The following MAP3K13 variants were observed in gnomAD, a reference collection of about 807,000 sequenced individuals.
MAP3K13 encodes the protein mitogen-activated protein kinase kinase kinase 13.
MAP3K13 carries 52 observed loss-of-function variants against 104.0 expected under a neutral mutation model. The observed-to-expected ratio is 0.50, with a 90% CI of 0.40 to 0.63. MAP3K13 has a LOEUF of 0.63. MAP3K13 is among the 20% of genes least tolerant of loss of function. MAP3K13 has a pLI of 0.00. For missense variants in MAP3K13, 914 were observed against 1,218.5 expected (o/e 0.75, Z 3.72); for synonymous variants, 394 against 442.2 (o/e 0.89, Z 1.37).
chr3:185,327,279 T>C (rs1001545952), intron 2 of MAP3K13, among the ~76,000 whole-genome samples: 1 of 152,224 alleles, frequency 6.6e-6, no homozygotes, highest in South Asian at 2.1e-4. Context: ...CAAGGATTCA[T>C]GTGACTAGGT....
Position 185,346,802 on chromosome 3 carries a change from C to A in MAP3K13, c.-86+61159C>A, listed in dbSNP as rs745648673. On this transcript the variant is annotated intron_variant, in intron 2 of 14. Coordinates refer to the MAP3K13 transcript ENST00000424227. ...GTATAAGAGTATCTATTTTGCCTTA[C>A]CCTTTCCAAAGGGTGCAAGATTTTT... Among the ~76,000 whole-genome samples the A allele has an allele frequency of 6.6e-5, 10 of 152,064 alleles. 1 individual carries two copies. In the South Asian group the frequency reaches 1.9e-3, roughly 28 times the overall value.
chr3:185,422,593 G>A (rs1171441602), intron 1 of MAP3K13, among the ~76,000 whole-genome samples: 4 of 152,130 alleles, frequency 2.6e-5, no homozygotes, highest in Non-Finnish European at 5.9e-5. Context: ...TATGTATTGG[G>A]CAGAAGTTCG....
intron 1 of MAP3K13, among the ~76,000 whole-genome samples, chr3:185,421,976 G>T (rs556447002): frequency 6.6e-6 from 1 of 152,086 alleles, no homozygotes; most frequent in Non-Finnish European, 1.5e-5. Context: ...GTTGGGACCC[G>T]TTGGACTAGA....
chr3:185,367,408 A>C (rs1478115733), intron 1 of MAP3K13, among the ~76,000 whole-genome samples: 1 of 152,202 alleles, frequency 6.6e-6, no homozygotes, highest in Non-Finnish European at 1.5e-5. Context: ...TTTCAGAATC[A>C]GGAAAGAAAA....
At chr3:185,475,375 C>T (rs1718061322) in intron 11 of MAP3K13, among the ~76,000 whole-genome samples, 1 of 152,172 alleles carries the variant, frequency 6.6e-6, no homozygotes, top group African/African-American at 2.4e-5. Context: ...TTCATCTCAT[C>T]ATCATTGTTC....
At chr3:185,307,364 C>T in intron 2 of MAP3K13, among the ~76,000 whole-genome samples, 1 of 148,882 alleles carries the variant, frequency 6.7e-6, no homozygotes, top group East Asian at 2.0e-4. Context: ...CTTAGGCATT[C>T]TTCACTTTTC....
intron 2 of MAP3K13, among the ~76,000 whole-genome samples, chr3:185,288,528 GTGTGTT>G (rs1483539798): frequency 6.7e-6 from 1 of 149,472 alleles, no homozygotes; most frequent in African/African-American, 2.5e-5. Flanking sequence ...ATATGTGTGT[GTGTGTT>G]TGTGTGTATA....
chr3:185,454,702 T>TGAGATATTTATATG, intron 7 of MAP3K13, among the ~76,000 whole-genome samples: 1 of 26,494 alleles, frequency 3.8e-5, no homozygotes, highest in East Asian at 7.0e-4. Flanking sequence ...ATGAGATATA[T>TGAGATATTTATATG]ATATCATATA....
intron 2 of MAP3K13, among the ~76,000 whole-genome samples, chr3:185,345,797 AAATGT>A (rs1438589349): frequency 1.3e-5 from 2 of 152,188 alleles, no homozygotes; most frequent in Non-Finnish European, 2.9e-5. Context: ...AGTGCGCAAT[AAATGT>A]AATGCACTTG....
intron 1 of MAP3K13, among the ~76,000 whole-genome samples, chr3:185,378,404 G>C (rs1189964865): frequency 6.6e-6 from 1 of 152,094 alleles, no homozygotes; most frequent in Non-Finnish European, 1.5e-5. Context: ...TTGGGATAAA[G>C]AAAAAAGAGC....
At chr3:185,359,318 C>G (rs1577461555), upstream of MAP3K13, among the ~76,000 whole-genome samples, 1 of 152,108 alleles carries the variant, frequency 6.6e-6, no homozygotes, top group East Asian at 1.9e-4. Flanking sequence ...GATTCAATTA[C>G]CCCCCACCAG....
At chr3:185,380,949 T>G (rs577056301) in intron 1 of MAP3K13, among the ~76,000 whole-genome samples, 118 of 101,846 alleles carry the variant, frequency 1.2e-3, no homozygotes, top group African/African-American at 2.4e-3. Flanking sequence ...GGTTTTTTTG[T>G]TTTTTTTTTG....
intron 1 of MAP3K13, among the ~76,000 whole-genome samples, chr3:185,397,191 C>A (rs1577507132): frequency 6.6e-6 from 1 of 152,212 alleles, no homozygotes; most frequent in South Asian, 2.1e-4. Context: ...TTGAGCATTT[C>A]CAGTGATGGA....
chr3:185,293,382 A>G (rs1720814280), intron 2 of MAP3K13, among the ~76,000 whole-genome samples: 1 of 150,896 alleles, frequency 6.6e-6, no homozygotes, highest in African/African-American at 2.4e-5. Context: ...CCTCCCTGGG[A>G]TTACAGGCGT....
At chr3:185,373,591 G>A (rs9815117) in intron 1 of MAP3K13, among the ~76,000 whole-genome samples, 109,608 of 151,750 alleles carry the variant, frequency 0.72, 42,053 homozygotes, top group Non-Finnish European at 0.86. Flanking sequence ...GCAGTGAGCG[G>A]AGATCATGCC....
At chr3:185,472,849 C>G in intron 10 of MAP3K13, 126 bp from the exon 11 acceptor site, 1 of 870,282 alleles carries the variant, frequency 1.1e-6, no homozygotes, top group Non-Finnish European at 1.8e-6. Flanking sequence ...CATACGTTAT[C>G]TCTATTGGAT....
chr3:185,339,721 T>C (rs1175916098), intron 2 of MAP3K13, among the ~76,000 whole-genome samples: 1 of 152,232 alleles, frequency 6.6e-6, no homozygotes, highest in African/African-American at 2.4e-5. Flanking sequence ...AGAGGCTGTG[T>C]TCTAATGAAG....
In MAP3K13 at chr3:185,485,614, G is replaced by T. The variant is rs1258236283; in HGVS notation, c.*3158G>T. On this transcript the variant is annotated 3_prime_UTR_variant, in exon 14 of 14. Coordinates refer to ENST00000265026, the MANE Select transcript of MAP3K13 (RefSeq NM_004721.5). ...CGACTGTCTCGGTTATCAGATGACT[G>T]TATCGCAGTGCTTGTGTTCAAGTAC... 6.6e-6 allele frequency: 1 copy of T among 151,984 alleles called. No homozygotes were observed. The highest frequency in any genetic ancestry group is 1.9e-4 in the East Asian group (1 of 5,188). 9.4% of individuals were successfully genotyped at this position (151,984 alleles called of 1,614,324 possible).
intron 2 of MAP3K13, among the ~76,000 whole-genome samples, chr3:185,331,484 G>A (rs375856041): frequency 6.6e-5 from 9 of 135,996 alleles, no homozygotes; most frequent in African/African-American, 2.4e-4. Context: ...GTATGCCTGT[G>A]TGTGTATGTG....
Sources: allele counts gnomAD v4.1 joint callset (sites outside exome capture counted in the v4.1 genomes callset), GRCh38; gene constraint gnomAD v4.1.1; transcripts MANE v1.5; gene names NCBI Gene and HGNC (gene_info 2026-07-23, HGNC 2026-07-21).